The following CFAP46 variants were observed in gnomAD, a reference collection of about 807,000 sequenced individuals.
CFAP46 encodes cilia and flagella associated protein 46.
Under a neutral mutation model 325.7 loss-of-function variants are expected in CFAP46, and 245 were observed. The ratio of observed to expected loss-of-function variants is 0.75; its 90% CI spans 0.68 to 0.84. CFAP46 has a LOEUF of 0.84. Among genes scored for constraint, CFAP46 ranks in the 40% least tolerant of loss-of-function variants. CFAP46 has a pLI of 0.00. For missense variants in CFAP46, 3,346 were observed against 3,543.0 expected (o/e 0.94, Z 1.41); for synonymous variants, 1,523 against 1,495.9 (o/e 1.02, Z -0.42).
At chr10:132,885,701 C>A in intron 26 of CFAP46, 120 bp downstream of exon 26, 2 of 823,946 alleles carry the variant, frequency 2.4e-6, no homozygotes, top group South Asian at 4.6e-5. Context: ...GGGGAGCACA[C>A]CCCCGGTGGG....
At position 132,882,623 on chromosome 10, in the gene CFAP46, T is replaced by C. The variant is rs139199958; in HGVS notation, c.3628-1591A>G. ...CGGGTGGGGGGTCTGGGCTAGAGAA[T>C]TGCTTGTGGGTAAAATGGGCGGCAG... is the stretch of plus-strand genomic sequence containing the variant. On this transcript the variant is annotated intron_variant, in intron 27 of 57. Transcript: ENST00000368586. 4.8e-3 allele frequency among the ~76,000 whole-genome samples: 727 copies of C among 151,700 alleles called. 6 individuals are homozygous for C. Among genetic ancestry groups the C allele is most frequent in the African/African-American group, 0.016 (672 of 41,300 alleles).
chr10:132,913,374 C>A (rs147252000), intron 17 of CFAP46, 116 bp from the exon 18 acceptor site: 2 of 309,812 alleles, frequency 6.5e-6, no homozygotes, highest in Admixed American at 4.2e-5. Context: ...GTGGGAGGGG[C>A]GGGTGGGCGG....
At chr10:132,835,081 T>A (rs764753014) in intron 47 of CFAP46, among the ~76,000 whole-genome samples, 7 of 152,172 alleles carry the variant, frequency 4.6e-5, no homozygotes, top group Non-Finnish European at 8.8e-5. Flanking sequence ...CTCCTGTTTG[T>A]GCTTCAGGGA....
At chr10:132,822,684 GTGC>G (rs1456595646) in intron 50 of CFAP46, among the ~76,000 whole-genome samples, 1 of 138,920 alleles carries the variant, frequency 7.2e-6, no homozygotes, top group African/African-American at 2.8e-5. Context: ...TGTGCTGTGT[GTGC>G]TGATGTGTGC....
Position 132,940,604 on chromosome 10 carries a change from G to A in CFAP46, c.371+392C>T, listed in dbSNP as rs899998497. Reference sequence around the variant, plus strand: ...CTCTTTTTTTTTTTTTATTGATACAGAGTCTCGCTGTCATCCAGGCTGGAG... The same window carrying A: ...CTCTTTTTTTTTTTTTATTGATACAAAGTCTCGCTGTCATCCAGGCTGGAG... On this transcript the variant is annotated intron_variant, in intron 4 of 57. Coordinates refer to ENST00000368586, the MANE Select transcript of CFAP46 (RefSeq NM_001200049.3). Among the ~76,000 whole-genome samples, 51 of 151,698 alleles carry A rather than the reference G, an allele frequency of 3.4e-4. 1 individual carries two copies. Among genetic ancestry groups the A allele is most frequent in the African/African-American group, 1.2e-3 (50 of 41,264 alleles).
rs1848173600 is a variant in CFAP46 at position 132,832,857 on chromosome 10, G to C, written c.7117+501C>G. 2.1e-6 allele frequency: 1 copy of C among 468,596 alleles called. No homozygotes were observed. Among genetic ancestry groups the C allele is most frequent in the Non-Finnish European group, 4.4e-6 (1 of 225,186 alleles). The allele number at this position is 468,596 out of a possible 1,614,324, so 29.0% of individuals were successfully genotyped here. A position where few individuals can be genotyped will look rare whatever the true frequency, so the allele number is the denominator to read the frequency against. On this transcript the variant is annotated intron_variant, in intron 50 of 57. Coordinates refer to ENST00000368586, the MANE Select transcript of CFAP46 (RefSeq NM_001200049.3). This position sits in a 1 kb window ranked among gnomAD's most constrained non-coding sequence, Gnocchi z 4.1. ...TACTACACATCTGGTCCCCTCCTTT[G>C]AAACAGGTATTTGTGGGGGCAAGAA...
In CFAP46 at chr10:132,877,732, C is replaced by A. The variant is rs1023228446; in HGVS notation, c.4212+149G>T. On this transcript the variant is annotated intron_variant, in intron 30 of 57. Transcript: ENST00000368586. The surrounding 1 kb of genome is among the most constrained non-coding windows in gnomAD (Gnocchi z 5.7). Reference sequence around the variant, plus strand: ...CCTGGGGCTCCTCCGAGAACCCTGACAGGCAGGGAAACTGAGGCACAGGCC... The same window carrying A: ...CCTGGGGCTCCTCCGAGAACCCTGAAAGGCAGGGAAACTGAGGCACAGGCC... 12 of 809,278 alleles carry A rather than the reference C, an allele frequency of 1.5e-5. No homozygotes were observed. Among genetic ancestry groups the A allele is most frequent in the Admixed American group, 2.8e-5 (1 of 35,486 alleles). The allele number at this position is 809,278 out of a possible 1,614,324, so 50.1% of individuals were successfully genotyped here.
At chr10:132,809,612 G>A (rs1195419054) in intron 57 of CFAP46, among the ~76,000 whole-genome samples, 2 of 152,162 alleles carry the variant, frequency 1.3e-5, no homozygotes, top group Non-Finnish European at 2.9e-5. Flanking sequence ...CTTAGTCAGG[G>A]CAGACCACCC....
chr10:132,940,169 G>A (rs1448414863), intron 4 of CFAP46, among the ~76,000 whole-genome samples: 2 of 152,172 alleles, frequency 1.3e-5, no homozygotes, highest in Non-Finnish European at 2.9e-5. Flanking sequence ...CCCAGCACTT[G>A]CAACAGGGTG....
chr10:132,940,816 G>A (rs1031039686), intron 4 of CFAP46, among the ~76,000 whole-genome samples, 180 bp downstream of exon 4: 1 of 152,176 alleles, frequency 6.6e-6, no homozygotes, highest in Non-Finnish European at 1.5e-5. Flanking sequence ...CTCGGAATTC[G>A]GCATGAATGT....
rs563331186 is a variant in CFAP46, at chr10:132,810,199, G to C, written c.7664+210C>G. Among the ~76,000 whole-genome samples the C allele has an allele frequency of 3.0e-3, 453 of 152,326 alleles. 2 individuals are homozygous for C. Among genetic ancestry groups the C allele is most frequent in the African/African-American group, 0.01 (427 of 41,566 alleles). The stretch of plus-strand genomic sequence containing the variant: ...TCACTGCCGAGGGTCGCGCCACGGT[G>C]GGGGGCTGGGGTGGTACAGAGACGC... On this transcript the variant is annotated intron_variant, in intron 57 of 57. Transcript: ENST00000368586.
At chr10:132,860,609 T>C (rs1848707603) in intron 36 of CFAP46, 86 bp from the exon 37 acceptor site, 1 of 1,213,502 alleles carries the variant, frequency 8.2e-7, no homozygotes. Flanking sequence ...CAGGGACAGA[T>C]ACGGGCCTGA....
chr10:132,841,549 G>A (rs915277846), intron 44 of CFAP46, among the ~76,000 whole-genome samples: 1 of 152,208 alleles, frequency 6.6e-6, no homozygotes, highest in Non-Finnish European at 1.5e-5. Flanking sequence ...CCGTGGCTTT[G>A]CTCTGCTGGG....
chr10:132,929,956 T>C (rs1849867980), intron 8 of CFAP46, 152 bp from the exon 9 acceptor site: 11 of 635,746 alleles, frequency 1.7e-5, no homozygotes, highest in South Asian at 1.6e-4. Context: ...ACAGAAGCCC[T>C]GTGGGGAGGC....
At position 132,832,322 on chromosome 10, in the gene CFAP46, T is replaced by C. The variant is rs1279444900; in HGVS notation, c.7117+1036A>G. Reference sequence around the variant, plus strand: ...TCCAGGTGTCCCGCCCTGCACGTTGTAGTTGTCAGTTTCCCAGACTCCAAA... The same window carrying C: ...TCCAGGTGTCCCGCCCTGCACGTTGCAGTTGTCAGTTTCCCAGACTCCAAA... On this transcript the variant is annotated intron_variant, in intron 50 of 57. Transcript: ENST00000368586. This position sits in a 1 kb window ranked among gnomAD's most constrained non-coding sequence, Gnocchi z 4.1. 6.6e-6 allele frequency among the ~76,000 whole-genome samples: 1 copy of C among 151,848 alleles called. No homozygotes were observed. Among genetic ancestry groups the C allele is most frequent in the Non-Finnish European group, 1.5e-5 (1 of 67,992 alleles).
chr10:132,885,222 G>C lies in CFAP46; in HGVS notation c.3508C>G (p.Gln1170Glu). Residue 1170 changes from glutamine to glutamate, a missense_variant, in exon 27 of 58, where the codon CAG (glutamine) becomes GAG (glutamate). Transcript: ENST00000368586. ...TCCTCACTCTCGGCCTTGAATTTCT[G>C]TATTTCCATCGAAAAATTCTGCCCG... ...KLGQNFSMEI[Q>E]KFKAESEDYL... 1.9e-6 allele frequency: 3 copies of C among 1,550,472 alleles called. 1 individual carries two copies. The South Asian group carries it at 3.6e-5, about 18-fold the overall frequency.
At position 132,828,623 on chromosome 10, in the gene CFAP46, T is replaced by C. The variant is rs1173105832; in HGVS notation, c.7117+4735A>G. On this transcript the variant is annotated intron_variant, in intron 50 of 57. Coordinates refer to ENST00000368586, the MANE Select transcript of CFAP46 (RefSeq NM_001200049.3). The surrounding 1 kb of genome is among the most constrained non-coding windows in gnomAD (Gnocchi z 4.9). ...ATTCTTCCAGTCTTGGCGTAACTTT[T>C]CATTTTCTTAACAATATCTTTCAAA... Among the ~76,000 whole-genome samples the C allele has an allele frequency of 6.6e-6, 1 of 152,220 alleles. No individual in the cohort carries two copies. The highest frequency in any genetic ancestry group is 1.5e-5 in the Non-Finnish European group (1 of 68,042).
In CFAP46 at chr10:132,847,080, G is replaced by A. The variant is rs774333065; in HGVS notation, c.6119C>T (p.Ala2040Val). ...CTGCAGCAGCACCTCTGACGCCTGA[G>A]CCAGGTACTGCTGGGCCAGAACCAT... ...RRMVLAQQYL[A>V]QASEVLLQCL... The change falls in exon 43 of 58, where the codon GCT becomes GTT. Residue 2040 changes from alanine (A) to valine (V), a missense_variant. Transcript: ENST00000368586. The surrounding 1 kb of genome is among the most constrained non-coding windows in gnomAD (Gnocchi z 5.2). The A allele has an allele frequency of 2.5e-6, 4 of 1,612,134 alleles. No homozygotes were observed. The highest frequency in any genetic ancestry group is 3.4e-6 in the Non-Finnish European group (4 of 1,179,672).
rs571965469 is a variant in CFAP46 at position 132,827,554 on chromosome 10, G to T, written c.7117+5804C>A. ...CACGAGGCCTTGGGGTCACAGGAAG[G>T]CTCGGAGTGCCAGAGTACAGAGTCC... is the stretch of plus-strand genomic sequence containing the variant. On this transcript the variant is annotated intron_variant, in intron 50 of 57. Transcript: ENST00000368586. This position sits in a 1 kb window ranked among gnomAD's most constrained non-coding sequence, Gnocchi z 5.7. Among the ~76,000 whole-genome samples, 2 of 151,984 alleles carry T rather than the reference G, an allele frequency of 1.3e-5. No homozygotes were observed. Among genetic ancestry groups the T allele is most frequent in the Non-Finnish European group, 2.9e-5 (2 of 68,014 alleles).
Sources: gnomAD v4.1 joint callset for allele counts (sites outside exome capture counted in the v4.1 genomes callset) on GRCh38, gnomAD v4.1.1 for gene constraint, Gnocchi (gnomAD v3.1) non-coding constraint, MANE v1.5 for transcripts, NCBI Gene and HGNC (gene_info 2026-07-23, HGNC 2026-07-21) for gene names.